Variants in SMS observed in about 807,000 individuals in gnomAD.
SMS encodes spermine synthase.
SMS carries 3 observed loss-of-function variants against 33.0 expected under a neutral mutation model. That is an observed-to-expected ratio of 0.09 (90% CI 0.04 to 0.23). SMS has a LOEUF of 0.23. Ranked by LOEUF, SMS falls within the 10% of genes least tolerant of loss-of-function variation. SMS has a pLI of 1.00. For synonymous variants in SMS, 103 were observed against 112.2 expected, an observed-to-expected ratio of 0.92 and a Z score of 0.52; for missense variants, 117 against 288.6, an observed-to-expected ratio of 0.41 and a Z score of 4.31.
intron 10 of SMS, among the ~76,000 whole-genome samples, chrX:21,993,975 T>TTCCC (rs1381199135): frequency 3.7e-4 from 40 of 107,338 alleles, no homozygotes; most frequent in African/African-American, 1.3e-3. Flanking sequence ...TACCCTAACT[T>TTCCC]TCCCTCCCTC....
chrX:21,969,201 C>T (rs1923950766), intron 2 of SMS, among the ~76,000 whole-genome samples: 1 of 112,004 alleles, frequency 8.9e-6, no homozygotes, highest in Non-Finnish European at 1.9e-5. Context: ...AATTGGTGTT[C>T]TCTATCCTGA....
At chrX:21,964,321 G>A (rs1052349168) in intron 1 of SMS, among the ~76,000 whole-genome samples, 1 of 111,073 alleles carries the variant, frequency 9.0e-6, no homozygotes, top group African/African-American at 3.3e-5. Context: ...ATTCTGCGCT[G>A]GTAGTTTCTC....
intron 1 of SMS, among the ~76,000 whole-genome samples, chrX:21,960,205 T>C (rs1923246056): frequency 9.0e-6 from 1 of 110,759 alleles, no homozygotes; most frequent in Non-Finnish European, 1.9e-5. Flanking sequence ...TGGGGATGAC[T>C]AAACACCCCT....
intron 1 of SMS, among the ~76,000 whole-genome samples, chrX:21,963,795 G>A (rs1923522003): frequency 8.9e-6 from 1 of 112,266 alleles, no homozygotes; most frequent in African/African-American, 3.2e-5. Context: ...CAGCATGGGG[G>A]TTCGGGTTCT....
chrX:21,956,394 C>T (rs1264386939), intron 1 of SMS, among the ~76,000 whole-genome samples: 3 of 112,663 alleles, frequency 2.7e-5, no homozygotes, highest in Non-Finnish European at 5.6e-5. Flanking sequence ...AGCAATTCTC[C>T]TGCCTCAGCC....
intron 2 of SMS, among the ~76,000 whole-genome samples, 184 bp downstream of exon 2, chrX:21,967,500 C>G (rs756847466): frequency 6.7e-4 from 75 of 111,298 alleles, no homozygotes; most frequent in African/African-American, 2.3e-3. Context: ...CGTTACTGAC[C>G]ACAGGTTCTT....
intron 5 of SMS, 27 bp downstream of exon 5, chrX:21,977,263 A>AC: frequency 8.7e-7 from 1 of 1,143,713 alleles, no homozygotes; most frequent in South Asian, 1.8e-5. Context: ...TGCCCCGATC[A>AC]CGTAACAAAG....
At chrX:21,959,462 C>T (rs1041272697) in intron 1 of SMS, among the ~76,000 whole-genome samples, 6 of 111,500 alleles carry the variant, frequency 5.4e-5, no homozygotes, top group Middle Eastern at 9.3e-3. Context: ...TGAGGGATGC[C>T]GCGCTCTTTG....
chrX:21,992,405 A>G (rs1291351005), intron 9 of SMS, among the ~76,000 whole-genome samples, 192 bp from the exon 10 acceptor site: 3 of 112,658 alleles, frequency 2.7e-5, no homozygotes, highest in East Asian at 5.6e-4. Context: ...AATGAGGTAG[A>G]AGGATAACGA....
intron 2 of SMS, among the ~76,000 whole-genome samples, chrX:21,969,763 C>T (rs1013485133): frequency 1.8e-5 from 2 of 112,614 alleles, no homozygotes; most frequent in African/African-American, 6.4e-5. Flanking sequence ...GAAACTGCTT[C>T]GAAAAGCAAT....
chrX:21,989,614 C>CACA (rs1225155075), intron 9 of SMS, among the ~76,000 whole-genome samples: 2 of 112,232 alleles, frequency 1.8e-5, no homozygotes, highest in African/African-American at 6.5e-5. Context: ...CAAGTTTGCA[C>CACA]ACAAGACCCA....
intron 4 of SMS, among the ~76,000 whole-genome samples, chrX:21,976,159 A>G (rs1924518608): frequency 9.0e-6 from 1 of 111,069 alleles, no homozygotes; most frequent in African/African-American, 3.3e-5. Context: ...GAATGAAAAA[A>G]TCATCATTTT....
At chrX:21,952,903 A>G in intron 1 of SMS, among the ~76,000 whole-genome samples, 1 of 101,529 alleles carries the variant, frequency 9.8e-6, no homozygotes, top group East Asian at 3.1e-4. Context: ...GGACTACAAC[A>G]GGTACGCACC....
At chrX:21,941,260 G>T (rs1921746375) in intron 1 of SMS, 1 of 154,427 alleles carries the variant, frequency 6.5e-6, no homozygotes, top group East Asian at 2.6e-4. Flanking sequence ...TGGGACGAGG[G>T]TTGCAGGGAC....
intron 2 of SMS, among the ~76,000 whole-genome samples, chrX:21,971,216 A>G (rs957938321): frequency 9.0e-6 from 1 of 110,763 alleles, no homozygotes; most frequent in Non-Finnish European, 1.9e-5. Flanking sequence ...AAAAACCAAC[A>G]TGCATATAAC....
At position 21,940,727 on chromosome X, in the gene SMS, C is replaced by T; in HGVS notation, c.-98C>T. 1.4e-6 allele frequency: 1 copy of T among 695,420 alleles called. No individual in the cohort carries two copies. The highest frequency in any genetic ancestry group is 2.1e-6 in the Non-Finnish European group (1 of 481,405). 57.3% of individuals were successfully genotyped at this position (695,420 alleles called of 1,213,427 possible). Reference sequence around the variant, plus strand: ...ACCTCCTAGTCCTGGCCTCCCCGGGCGCAGCACACTCCCAGCCGGCCGCAG... The same window carrying T: ...ACCTCCTAGTCCTGGCCTCCCCGGGTGCAGCACACTCCCAGCCGGCCGCAG... On this transcript the variant is annotated 5_prime_UTR_variant, in exon 1 of 11. Coordinates refer to ENST00000404933, the MANE Select transcript of SMS (RefSeq NM_004595.5).
At chrX:21,942,802 G>A (rs1283332634) in intron 1 of SMS, among the ~76,000 whole-genome samples, 3 of 96,002 alleles carry the variant, frequency 3.1e-5, no homozygotes, top group African/African-American at 1.2e-4. Context: ...ACACTCACCT[G>A]TATTTATCGT....
chrX:21,956,630 C>T (rs1364097308), intron 1 of SMS, among the ~76,000 whole-genome samples: 7 of 110,628 alleles, frequency 6.3e-5, no homozygotes, highest in South Asian at 3.9e-4. Context: ...CCACCACGCC[C>T]GGCTAATTTT....
At chrX:21,993,037 A>G (rs950949156) in intron 10 of SMS, among the ~76,000 whole-genome samples, 6 of 111,819 alleles carry the variant, frequency 5.4e-5, no homozygotes, top group Non-Finnish European at 9.4e-5. Context: ...CTAGTTAGAC[A>G]TGGACATTCT....
Sources: gnomAD v4.1 joint callset for allele counts (sites outside exome capture counted in the v4.1 genomes callset) on GRCh38, gnomAD v4.1.1 for gene constraint, MANE v1.5 for transcripts, NCBI Gene and HGNC (gene_info 2026-07-23, HGNC 2026-07-21) for gene names.